The following ASIC2 variants were observed in gnomAD, a reference collection of about 807,000 sequenced individuals.
ASIC2 encodes acid sensing ion channel subunit 2.
ASIC2 carries 25 observed loss-of-function variants against 57.3 expected under a neutral mutation model. The observed-to-expected ratio is 0.44, with a 90% CI of 0.32 to 0.61. The LOEUF (loss-of-function observed/expected upper bound fraction) is 0.61, where lower values mean the gene tolerates loss of function less well. Among genes scored for constraint, ASIC2 ranks in the 20% least tolerant of loss-of-function variants. ASIC2 has a pLI of 0.06. For missense variants in ASIC2, 641 were observed against 738.1 expected, an observed-to-expected ratio of 0.87 and a Z score of 1.52; for synonymous variants, 319 against 307.5, an observed-to-expected ratio of 1.04 and a Z score of -0.39.
At chr17:33,904,497 G>A (rs1020695345) in intron 1 of ASIC2, among the ~76,000 whole-genome samples, 2 of 152,200 alleles carry the variant, frequency 1.3e-5, no homozygotes, top group Admixed American at 6.5e-5. Flanking sequence ...AATGTTCTGA[G>A]GCAGAGCTAT....
intron 1 of ASIC2, among the ~76,000 whole-genome samples, chr17:33,240,300 A>G (rs1421626811): frequency 1.3e-5 from 2 of 152,056 alleles, no homozygotes; most frequent in African/African-American, 4.8e-5. Context: ...GCAGCTTCAC[A>G]CATCAGACCT....
intron 1 of ASIC2, among the ~76,000 whole-genome samples, chr17:33,467,248 TA>T (rs1328460336): frequency 6.6e-6 from 1 of 152,310 alleles, no homozygotes; most frequent in South Asian, 2.1e-4. Flanking sequence ...GCCTTGAAAA[TA>T]TTTTTTTTTA....
rs539605767 is a variant in ASIC2, at chr17:33,966,682, A to T, written c.555+189296T>A. On this transcript the variant is annotated intron_variant, in intron 1 of 9. Transcript: ENST00000359872. ...CACTGTACCCATTTTACAGATGAAG[A>T]GATTAAGGATCATAGAGGGTCAAGA... Among the ~76,000 whole-genome samples, 4 of 152,316 alleles carry T rather than the reference A, an allele frequency of 2.6e-5. No individual in the cohort carries two copies. The East Asian group carries it at 7.7e-4, about 29-fold the overall frequency.
chr17:33,525,545 G>A (rs953289641), intron 1 of ASIC2, among the ~76,000 whole-genome samples: 2 of 152,268 alleles, frequency 1.3e-5, no homozygotes, highest in East Asian at 1.9e-4. Flanking sequence ...TCGGGCTCAC[G>A]GGTTCTGGCT....
At chr17:33,169,057 C>T (rs112314736) in intron 1 of ASIC2, among the ~76,000 whole-genome samples, 3,379 of 152,300 alleles carry the variant, frequency 0.022, 68 homozygotes, top group Admixed American at 0.058. Flanking sequence ...GGGCCAGGGG[C>T]GCTGTCCATG....
intron 2 of ASIC2, among the ~76,000 whole-genome samples, chr17:33,104,826 A>C (rs1032202093): frequency 2.6e-5 from 4 of 152,120 alleles, no homozygotes; most frequent in African/African-American, 9.7e-5. Context: ...GTGGGTTTTA[A>C]GCTTGGTTCA....
intron 3 of ASIC2, among the ~76,000 whole-genome samples, chr17:33,074,362 C>T (rs2092081189): frequency 6.6e-6 from 1 of 152,182 alleles, no homozygotes; most frequent in African/African-American, 2.4e-5. Flanking sequence ...CCTTGTCATA[C>T]CCTCTCCATG....
chr17:33,798,914 G>A (rs543431500), intron 1 of ASIC2, among the ~76,000 whole-genome samples: 1 of 152,230 alleles, frequency 6.6e-6, no homozygotes, highest in East Asian at 1.9e-4. Context: ...ACTACATTAG[G>A]TGGGTTCCTG....
intron 1 of ASIC2, among the ~76,000 whole-genome samples, chr17:33,449,087 A>T (rs1275108319): frequency 1.3e-5 from 2 of 152,218 alleles, no homozygotes; most frequent in East Asian, 3.8e-4. Flanking sequence ...AAACTGTTTT[A>T]TAAACAGAAT....
intron 1 of ASIC2, among the ~76,000 whole-genome samples, chr17:33,887,367 A>G (rs963363394): frequency 1.3e-5 from 2 of 152,184 alleles, no homozygotes; most frequent in Non-Finnish European, 2.9e-5. Flanking sequence ...TTCATCAAAG[A>G]GTCAACAATG....
chr17:33,040,771 T>G (rs997578896), intron 3 of ASIC2, among the ~76,000 whole-genome samples: 1 of 151,912 alleles, frequency 6.6e-6, no homozygotes, highest in Non-Finnish European at 1.5e-5. Flanking sequence ...TCAAAAGGAG[T>G]GTTCAGCTTG....
chr17:33,623,252 T>C (rs1433593562), intron 1 of ASIC2, among the ~76,000 whole-genome samples: 1 of 149,232 alleles, frequency 6.7e-6, no homozygotes, highest in African/African-American at 2.4e-5. Flanking sequence ...TTTTGTTTGT[T>C]TGTTTGTTTG....
chr17:33,254,583 C>G (rs1415959294), intron 1 of ASIC2, among the ~76,000 whole-genome samples: 1 of 152,080 alleles, frequency 6.6e-6, no homozygotes, highest in Non-Finnish European at 1.5e-5. Context: ...AGACCTATTT[C>G]CCCTCTTCTC....
intron 1 of ASIC2, among the ~76,000 whole-genome samples, chr17:33,808,656 G>T (rs1395000848): frequency 1.3e-5 from 2 of 152,176 alleles, no homozygotes; most frequent in African/African-American, 4.8e-5. Context: ...TCTGTGTGGT[G>T]ATGATCACAT....
chr17:33,091,461 G>A (rs944466101), intron 2 of ASIC2, among the ~76,000 whole-genome samples: 13 of 152,164 alleles, frequency 8.5e-5, no homozygotes, highest in African/African-American at 2.9e-4. Context: ...GTGTGTGCCT[G>A]CTATACAACC....
At chr17:33,095,494 A>T (rs1221479100) in intron 2 of ASIC2, among the ~76,000 whole-genome samples, 3 of 152,240 alleles carry the variant, frequency 2.0e-5, no homozygotes, top group Non-Finnish European at 4.4e-5. Context: ...TGAAGTGAAC[A>T]AATGTGCACA....
intron 1 of ASIC2, among the ~76,000 whole-genome samples, chr17:33,662,628 TA>T (rs1907309285): frequency 1.5e-5 from 1 of 65,276 alleles, no homozygotes; most frequent in Non-Finnish European, 3.0e-5. Context: ...GTCTCAAAAA[TA>T]AATAAATAAA....
At chr17:33,212,031 C>T (rs927977989) in intron 1 of ASIC2, among the ~76,000 whole-genome samples, 2 of 152,096 alleles carry the variant, frequency 1.3e-5, no homozygotes, top group African/African-American at 4.8e-5. Context: ...AGAACTTTGC[C>T]CAAAGTTACA....
chr17:33,552,728 A>AT (rs1567647902), intron 1 of ASIC2, among the ~76,000 whole-genome samples: 1 of 152,320 alleles, frequency 6.6e-6, no homozygotes, highest in Non-Finnish European at 1.5e-5. Context: ...GGATTTGTGC[A>AT]TTTTTTGAGG....
Sources: gnomAD v4.1 joint callset for allele counts (sites outside exome capture counted in the v4.1 genomes callset) on GRCh38, gnomAD v4.1.1 for gene constraint, MANE v1.5 for transcripts, NCBI Gene and HGNC (gene_info 2026-07-23, HGNC 2026-07-21) for gene names.